Variants in CEP72 observed in about 807,000 individuals in gnomAD.
CEP72 encodes the protein centrosomal protein of 72 kDa.
Under a neutral mutation model 65.7 loss-of-function variants are expected in CEP72, and 78 were observed. That is an observed-to-expected ratio of 1.19 (90% CI 0.99 to 1.43). The LOEUF (loss-of-function observed/expected upper bound fraction) is 1.43. Ranked by LOEUF, CEP72 falls within the 40% of genes most tolerant of loss-of-function variation. The pLI is 0.00. For missense variants in CEP72, 914 were observed against 832.9 expected, an observed-to-expected ratio of 1.10 and a Z score of -1.20; for synonymous variants, 358 against 351.7, an observed-to-expected ratio of 1.02 and a Z score of -0.20.
rs189949771 is a variant in CEP72, at chr5:624,237, G to A, written c.404-234G>A. 1.8e-4 allele frequency among the ~76,000 whole-genome samples: 28 copies of A among 152,304 alleles called. No homozygotes were observed. In the South Asian group the frequency reaches 3.1e-3, roughly 17 times the overall value. Reference sequence around the variant, plus strand: ...GTGTGTGTGTGTGAGCCTCATCTGTGTGCGGCTGCTCCCGTGCGCAGCAGT... The same window carrying A: ...GTGTGTGTGTGTGAGCCTCATCTGTATGCGGCTGCTCCCGTGCGCAGCAGT... On this transcript the variant is annotated intron_variant, in intron 3 of 11. Transcript: ENST00000264935. This position sits in a 1 kb window ranked among gnomAD's most constrained non-coding sequence, Gnocchi z 4.7.
At chr5:637,998 G>A (rs113862256) in intron 7 of CEP72, among the ~76,000 whole-genome samples, 180 bp downstream of exon 7, 4 of 152,172 alleles carry the variant, frequency 2.6e-5, no homozygotes, top group African/African-American at 9.6e-5. Context: ...TCCCTGATGC[G>A]GGGCTGTTAC....
intron 11 of CEP72, among the ~76,000 whole-genome samples, chr5:651,166 T>TGACTGAGGTGTGACTGTGAGGCGTG (rs1739039474): frequency 1.7e-5 from 1 of 59,024 alleles, no homozygotes; most frequent in African/African-American, 9.7e-5. Flanking sequence ...CTGTGAGGTG[T>TGACTGAGGTGTGACTGTGAGGCGTG]GACTGTGAGG....
intron 9 of CEP72, chr5:642,236 C>T: frequency 1.3e-6 from 1 of 773,252 alleles, no homozygotes; most frequent in South Asian, 5.5e-5. Context: ...ACGTGGTCCC[C>T]CGTCCAGAAG....
intron 11 of CEP72, among the ~76,000 whole-genome samples, chr5:649,991 TG>T (rs766764124): frequency 1.7e-4 from 12 of 68,910 alleles, no homozygotes; most frequent in African/African-American, 2.2e-4. Flanking sequence ...CTGTGAGGCG[TG>T]GACTGTGAGG....
downstream of CEP72, among the ~76,000 whole-genome samples, chr5:658,763 G>A (rs1468551565): frequency 7.1e-6 from 1 of 141,528 alleles, no homozygotes; most frequent in Non-Finnish European, 1.5e-5. Context: ...CCGCCTCCCG[G>A]GTTCACGCCA....
chr5:639,760 C>T (rs548717451), intron 8 of CEP72, among the ~76,000 whole-genome samples: 4 of 152,208 alleles, frequency 2.6e-5, no homozygotes, highest in South Asian at 2.1e-4. Context: ...GGAGATGCCG[C>T]GTCCCCAGGG....
downstream of CEP72, among the ~76,000 whole-genome samples, chr5:671,533 G>A (rs1725588218): frequency 6.6e-6 from 1 of 152,238 alleles, no homozygotes; most frequent in African/African-American, 2.4e-5. Flanking sequence ...AAAGTGGACA[G>A]CCAAGGCCAC....
exon 5 of CEP72, chr5:667,147 G>A (rs1739951232): frequency 1.3e-5 from 2 of 152,238 alleles, no homozygotes; most frequent in South Asian, 4.1e-4. Flanking sequence ...CAAGAAATGA[G>A]AACAGAGTCA....
the CEP72 span, among the ~76,000 whole-genome samples, chr5:675,459 AGCACAGGGG>A: frequency 3.1e-5 from 1 of 32,446 alleles, no homozygotes; most frequent in African/African-American, 5.0e-4. Flanking sequence ...GCTGGGGTGC[AGCACAGGGG>A]GTGCAGTGTG....
chr5:654,379 G>A (rs1697948), downstream of CEP72, among the ~76,000 whole-genome samples: 37,378 of 149,620 alleles, frequency 0.25, 4,569 homozygotes, highest in East Asian at 0.42. Context: ...GTGTGCACGC[G>A]TTGTGTATGT....
At chr5:654,096 CTGTGTGTGTGCTAGCTGTG>C, downstream of CEP72, among the ~76,000 whole-genome samples, 1 of 125,638 alleles carries the variant, frequency 8.0e-6, no homozygotes, top group African/African-American at 3.1e-5. Context: ...TGTGTGCTAG[CTGTGTGTGTGCTAGCTGTG>C]TGTGTGTGCT....
chr5:643,971 G>A (rs1421150995), intron 9 of CEP72, among the ~76,000 whole-genome samples: 1 of 152,174 alleles, frequency 6.6e-6, no homozygotes, highest in Non-Finnish European at 1.5e-5. Context: ...TCCCCCAACC[G>A]CCACCAGCTG....
intron 4 of CEP72, among the ~76,000 whole-genome samples, chr5:626,031 G>A (rs1736733784): frequency 1.6e-5 from 1 of 63,036 alleles, no homozygotes; most frequent in East Asian, 3.0e-4. Context: ...ACTTCAACAT[G>A]TCTTTTGGGT....
chr5:674,635 C>T, the CEP72 span, among the ~76,000 whole-genome samples: 5 of 152,194 alleles, frequency 3.3e-5, no homozygotes, highest in East Asian at 1.9e-4. Context: ...CCCACCAGAG[C>T]GGCCCTGGTC....
At chr5:641,442 G>C (rs912470546) in intron 9 of CEP72, 5 of 985,326 alleles carry the variant, frequency 5.1e-6, no homozygotes, top group Middle Eastern at 1.0e-3. Flanking sequence ...AACTGCCTCT[G>C]AACTTGTCTG....
chr5:640,945 A>C, intron 9 of CEP72: 1 of 985,436 alleles, frequency 1.0e-6, no homozygotes, highest in Non-Finnish European at 1.2e-6. Context: ...GAACTGGGGA[A>C]AACCGAGGCC....
intron 4 of CEP72, among the ~76,000 whole-genome samples, chr5:629,211 G>A (rs1302845481): frequency 6.6e-6 from 1 of 152,238 alleles, no homozygotes; most frequent in Non-Finnish European, 1.5e-5. Flanking sequence ...TGCTAAGGTG[G>A]GTCATATTCT....
At chr5:653,800 T>C (rs908401590), downstream of CEP72, among the ~76,000 whole-genome samples, 3 of 152,266 alleles carry the variant, frequency 2.0e-5, no homozygotes, top group East Asian at 1.9e-4. Context: ...CTGAAAATTA[T>C]GTCATAATAG....
At chr5:634,393 G>A (rs1737448626) in intron 5 of CEP72, among the ~76,000 whole-genome samples, 1 of 152,242 alleles carries the variant, frequency 6.6e-6, no homozygotes, top group South Asian at 2.1e-4. Flanking sequence ...GCCCTCCACT[G>A]GGATGTGCTG....
Sources: gnomAD v4.1 joint callset for allele counts (sites outside exome capture counted in the v4.1 genomes callset) on GRCh38, gnomAD v4.1.1 for gene constraint, Gnocchi (gnomAD v3.1) non-coding constraint, MANE v1.5 for transcripts, NCBI Gene and HGNC (gene_info 2026-07-23, HGNC 2026-07-21) for gene names.